ZFAT: variants seen among roughly 807,000 people sequenced by gnomAD.
ZFAT encodes zinc finger and AT-hook domain containing, also known as zinc finger protein ZFAT.
Under a neutral mutation model 117.7 loss-of-function variants are expected in ZFAT, and 64 were observed. The observed-to-expected ratio is 0.54, with a 90% CI of 0.44 to 0.67. The LOEUF is 0.67. ZFAT is among the 30% of genes least tolerant of loss of function. ZFAT has a pLI of 0.00. For synonymous variants in ZFAT, 679 were observed against 615.0 expected (o/e 1.10, Z -1.54); for missense variants, 1,433 against 1,584.5 (o/e 0.90, Z 1.62).
the ZFAT span, among the ~76,000 whole-genome samples, chr8:134,777,921 C>G: frequency 6.6e-6 from 1 of 152,164 alleles, no homozygotes; most frequent in South Asian, 2.1e-4. Context: ...TTCAGTGACT[C>G]TGACCATCTC....
At chr8:134,817,012 A>G in the ZFAT span, among the ~76,000 whole-genome samples, 1 of 152,138 alleles carries the variant, frequency 6.6e-6, no homozygotes, top group Non-Finnish European at 1.5e-5. Context: ...ACCATTTACA[A>G]AAGTATTTTA....
At chr8:134,634,128 T>A (rs1160229094) in intron 3 of ZFAT, among the ~76,000 whole-genome samples, 1 of 152,126 alleles carries the variant, frequency 6.6e-6, no homozygotes, top group African/African-American at 2.4e-5. Flanking sequence ...TTAAAATGAC[T>A]ATTAGTTGTA....
the ZFAT span, among the ~76,000 whole-genome samples, chr8:134,783,070 A>G: frequency 6.6e-6 from 1 of 152,150 alleles, no homozygotes; most frequent in Non-Finnish European, 1.5e-5. Flanking sequence ...CATCTTTAGT[A>G]ATTGTTTTGT....
chr8:134,693,570 C>T (rs1194004070), intron 1 of ZFAT, among the ~76,000 whole-genome samples: 4 of 140,332 alleles, frequency 2.9e-5, no homozygotes, highest in African/African-American at 1.1e-4. Flanking sequence ...CAAAGCATCA[C>T]ATTGTATACC....
In ZFAT at chr8:134,539,856, G is replaced by T. The variant is rs149205332; in HGVS notation, c.2977-6884C>A. ...GTGTGGGAGCATGAATGAACCAGGC[G>T]CAGGAGAAGAGGGTCAGGTGTTAGG... On this transcript the variant is annotated intron_variant, in intron 11 of 15. Transcript: ENST00000377838. 9.8e-3 allele frequency among the ~76,000 whole-genome samples: 1,495 copies of T among 152,248 alleles called. 17 individuals are homozygous for T. Among genetic ancestry groups the T allele is most frequent in the Admixed American group, 0.015 (235 of 15,298 alleles).
rs77112009 is a variant in ZFAT at position 134,518,548 on chromosome 8, T to C, written c.3234+2335A>G. On this transcript the variant is annotated intron_variant, in intron 13 of 15. Transcript: ENST00000377838. ...GTGAGGCTGATCATGTTTTCAGATATTCGATGTTATTTACATTTTCTTTTC... is the reference window on the plus strand; with the variant it reads ...GTGAGGCTGATCATGTTTTCAGATACTCGATGTTATTTACATTTTCTTTTC... Among the ~76,000 whole-genome samples, 3 of 152,174 alleles carry C rather than the reference T, an allele frequency of 2.0e-5. No individual in the cohort carries two copies. In the South Asian group the frequency reaches 6.2e-4, roughly 32 times the overall value.
the ZFAT span, among the ~76,000 whole-genome samples, chr8:134,828,060 T>A: frequency 6.6e-6 from 1 of 152,236 alleles, no homozygotes; most frequent in African/African-American, 2.4e-5. Context: ...ATTGTAATTG[T>A]GTCCTCATTA....
At chr8:134,642,585 A>G (rs1369870502) in intron 2 of ZFAT, among the ~76,000 whole-genome samples, 1 of 152,188 alleles carries the variant, frequency 6.6e-6, no homozygotes, top group African/African-American at 2.4e-5. Context: ...CTTGATGTAC[A>G]TGCATTCTCA....
At position 134,699,757 on chromosome 8, in the gene ZFAT, C is replaced by T. The variant is rs139912204; in HGVS notation, c.19+13088G>A. Among the ~76,000 whole-genome samples the T allele has an allele frequency of 4.0e-4, 61 of 152,324 alleles. No individual in the cohort carries two copies. In the East Asian group the frequency reaches 0.011, roughly 27 times the overall value. On this transcript the variant is annotated intron_variant, in intron 1 of 15. Transcript: ENST00000377838. Reference sequence around the variant, plus strand: ...GAACTGCAGTTACGCTGGCAGAGAACGATGGCTGGAGAGCACCTCACACAG... The same window carrying T: ...GAACTGCAGTTACGCTGGCAGAGAATGATGGCTGGAGAGCACCTCACACAG...
chr8:134,548,495 T>C (rs1213563550), intron 11 of ZFAT, among the ~76,000 whole-genome samples: 4 of 152,330 alleles, frequency 2.6e-5, no homozygotes, highest in South Asian at 2.1e-4. Context: ...TGTGGCCACC[T>C]GTAGGATTTC....
At chr8:134,696,860 T>C (rs1325438725) in intron 1 of ZFAT, among the ~76,000 whole-genome samples, 1 of 152,066 alleles carries the variant, frequency 6.6e-6, no homozygotes, top group Admixed American at 6.5e-5. Flanking sequence ...GGACTCTACG[T>C]ATCTCTCTCA....
At chr8:134,714,670 G>A (rs1463355512), upstream of ZFAT, among the ~76,000 whole-genome samples, 1 of 152,178 alleles carries the variant, frequency 6.6e-6, no homozygotes, top group African/African-American at 2.4e-5. Flanking sequence ...CAATCTGGAA[G>A]GTTAAGTTGG....
intron 11 of ZFAT, among the ~76,000 whole-genome samples, chr8:134,539,957 G>A (rs540678265): frequency 1.1e-4 from 16 of 152,168 alleles, no homozygotes; most frequent in Non-Finnish European, 1.8e-4. Flanking sequence ...CTGTGAAATG[G>A]GAGAGCAAAC....
chr8:134,590,855 C>T (rs946273179), intron 7 of ZFAT, among the ~76,000 whole-genome samples: 13 of 152,200 alleles, frequency 8.5e-5, no homozygotes, highest in Non-Finnish European at 1.8e-4. Context: ...TCAACACTAG[C>T]ATTCTCATCA....
At chr8:134,568,992 T>A (rs952045349) in intron 10 of ZFAT, among the ~76,000 whole-genome samples, 2 of 152,192 alleles carry the variant, frequency 1.3e-5, no homozygotes, top group African/African-American at 4.8e-5. Context: ...ATCGAATGGC[T>A]GTACGTGGAT....
At chr8:134,750,075 GAACA>G in the ZFAT span, among the ~76,000 whole-genome samples, 3 of 152,084 alleles carry the variant, frequency 2.0e-5, no homozygotes, top group African/African-American at 4.8e-5. Flanking sequence ...AGTTTCGGAG[GAACA>G]AACATTTTAA....
At chr8:134,608,698 G>C (rs755135430) in intron 5 of ZFAT, 31 bp downstream of exon 5, 1 of 1,599,482 alleles carries the variant, frequency 6.3e-7, no homozygotes, top group Non-Finnish European at 8.5e-7. Context: ...TGCAACCTCT[G>C]GCTGAAGTTA....
At chr8:134,642,806 T>A (rs1830659999) in intron 2 of ZFAT, among the ~76,000 whole-genome samples, 1 of 152,242 alleles carries the variant, frequency 6.6e-6, no homozygotes, top group African/African-American at 2.4e-5. Flanking sequence ...ACTAACATTT[T>A]AAGGCCCTGA....
chr8:134,503,472 A>G (rs148003583), intron 15 of ZFAT, among the ~76,000 whole-genome samples: 260 of 152,326 alleles, frequency 1.7e-3, no homozygotes, highest in African/African-American at 5.2e-3. Context: ...ATATTTGTAC[A>G]TGTGTAATAG....
Sources: gnomAD v4.1 joint callset for allele counts (sites outside exome capture counted in the v4.1 genomes callset) on GRCh38, gnomAD v4.1.1 for gene constraint, MANE v1.5 for transcripts, NCBI Gene and HGNC (gene_info 2026-07-23, HGNC 2026-07-21) for gene names.